Variants in ZFPM2 observed in about 807,000 individuals in gnomAD.
ZFPM2 encodes the protein zinc finger protein, FOG family member 2.
In ZFPM2, 20 loss-of-function variants were observed where a neutral mutation model predicts 98.6. That is an observed-to-expected ratio of 0.20 (90% CI 0.14 to 0.29). The LOEUF is 0.29. ZFPM2 is among the 10% of genes least tolerant of loss of function. ZFPM2 has a pLI of 1.00. For missense variants in ZFPM2, 1,310 were observed against 1,388.6 expected (o/e 0.94, Z 0.90); for synonymous variants, 518 against 502.7 (o/e 1.03, Z -0.41).
chr8:105,635,942 G>A (rs1816839213), intron 5 of ZFPM2, among the ~76,000 whole-genome samples: 1 of 151,928 alleles, frequency 6.6e-6, no homozygotes, highest in Non-Finnish European at 1.5e-5. Flanking sequence ...TGGAATATTT[G>A]CATGTACATA....
intron 5 of ZFPM2, among the ~76,000 whole-genome samples, chr8:105,697,143 A>T (rs1811035392): frequency 6.6e-6 from 1 of 152,226 alleles, no homozygotes; most frequent in South Asian, 2.1e-4. Context: ...AATTTAAAAG[A>T]TGCAGTCTTA....
rs180936360 is a variant in ZFPM2, at chr8:105,633,974, G to A, written c.421-272G>A. Among the ~76,000 whole-genome samples the A allele has an allele frequency of 2.2e-4, 34 of 151,776 alleles. 1 individual carries two copies. The highest frequency in any genetic ancestry group is 8.8e-5 in the Non-Finnish European group (6 of 67,970). On this transcript the variant is annotated intron_variant, in intron 4 of 7. Transcript: ENST00000407775. ...TTCTCTTTATAATTCAGAGCCACAA[G>A]AGATCTGTCTAATCTTGGAGATCTG...
chr8:105,439,655 A>C (rs1404170069), intron 2 of ZFPM2, among the ~76,000 whole-genome samples: 2 of 152,164 alleles, frequency 1.3e-5, no homozygotes, highest in Admixed American at 6.5e-5. Context: ...CAATTTCCTG[A>C]ATAGTAAATT....
chr8:105,409,577 G>A (rs1811535768), intron 1 of ZFPM2, among the ~76,000 whole-genome samples: 2 of 151,884 alleles, frequency 1.3e-5, no homozygotes, highest in Admixed American at 6.6e-5. Flanking sequence ...TACACAAAGT[G>A]TCTCTCCATA....
intron 3 of ZFPM2, among the ~76,000 whole-genome samples, chr8:105,516,618 A>G (rs12679049): frequency 0.17 from 26,559 of 152,172 alleles, 2,379 homozygotes; most frequent in East Asian, 0.24. Context: ...TAAGGTGGCC[A>G]TGTATTCGGA....
At chr8:105,431,386 GCAGT>G (rs1259339024) in intron 2 of ZFPM2, among the ~76,000 whole-genome samples, 3 of 152,244 alleles carry the variant, frequency 2.0e-5, no homozygotes, top group Non-Finnish European at 4.4e-5. Flanking sequence ...AAGCATAATG[GCAGT>G]CAGTGCATTC....
intron 1 of ZFPM2, among the ~76,000 whole-genome samples, chr8:105,327,320 T>G (rs2130658728): frequency 6.6e-6 from 1 of 151,794 alleles, no homozygotes; most frequent in African/African-American, 2.4e-5. Context: ...ATTACAAAAT[T>G]TAGAGTTAGA....
At chr8:105,722,413 C>T (rs1811689416) in intron 5 of ZFPM2, among the ~76,000 whole-genome samples, 1 of 151,754 alleles carries the variant, frequency 6.6e-6, no homozygotes. Flanking sequence ...ATAAGGGTTG[C>T]CAATCCCCAC....
intron 3 of ZFPM2, among the ~76,000 whole-genome samples, chr8:105,543,719 C>T (rs1415908528): frequency 3.3e-5 from 5 of 152,146 alleles, no homozygotes; most frequent in South Asian, 2.1e-4. Context: ...TATCTTTCCT[C>T]CTTCTGTCCC....
intron 2 of ZFPM2, among the ~76,000 whole-genome samples, chr8:105,442,901 T>G (rs1478929870): frequency 6.6e-6 from 1 of 151,172 alleles, no homozygotes; most frequent in Non-Finnish European, 1.5e-5. Context: ...AGTTCAGTGT[T>G]TTTTTTTTGT....
At chr8:105,484,434 T>G (rs1356078152) in intron 3 of ZFPM2, among the ~76,000 whole-genome samples, 2 of 152,166 alleles carry the variant, frequency 1.3e-5, no homozygotes, top group East Asian at 3.8e-4. Context: ...GACTTCAGTT[T>G]TAATAGTGAT....
At chr8:105,338,644 T>A (rs1236053506) in intron 1 of ZFPM2, among the ~76,000 whole-genome samples, 1 of 151,826 alleles carries the variant, frequency 6.6e-6, no homozygotes, top group Admixed American at 6.6e-5. Flanking sequence ...TTTTGTGCCA[T>A]TCACTAGAGC....
chr8:105,584,475 G>A (rs961636771), intron 4 of ZFPM2, among the ~76,000 whole-genome samples: 8 of 151,946 alleles, frequency 5.3e-5, no homozygotes, highest in South Asian at 2.1e-4. Context: ...TCTTTTTCCC[G>A]TGGCGTCAAA....
intron 5 of ZFPM2, among the ~76,000 whole-genome samples, chr8:105,644,601 C>T (rs1006196705): frequency 1.3e-5 from 2 of 151,946 alleles, no homozygotes; most frequent in African/African-American, 4.8e-5. Context: ...CCTCTATATC[C>T]ATCAGTTCAG....
At chr8:105,321,860 T>C (rs1166415816) in intron 1 of ZFPM2, among the ~76,000 whole-genome samples, 1 of 152,172 alleles carries the variant, frequency 6.6e-6, no homozygotes, top group Non-Finnish European at 1.5e-5. Flanking sequence ...AGAAGCCTGA[T>C]AATTCCTTCT....
intron 5 of ZFPM2, among the ~76,000 whole-genome samples, chr8:105,671,339 TA>T (rs1228448514): frequency 6.6e-6 from 1 of 151,776 alleles, no homozygotes; most frequent in African/African-American, 2.4e-5. Flanking sequence ...TATATTTAAA[TA>T]AAAAAATTAA....
intron 4 of ZFPM2, among the ~76,000 whole-genome samples, chr8:105,572,033 CTTTTTTTTTTTT>C (rs869198147): frequency 0.039 from 4,059 of 103,466 alleles, 222 homozygotes; most frequent in African/African-American, 0.14. Context: ...GGGTAAATTT[CTTTTTTTTTTTT>C]TTTTTTTTTT....
intron 2 of ZFPM2, among the ~76,000 whole-genome samples, chr8:105,437,845 C>T (rs1398752409): frequency 1.3e-5 from 2 of 152,170 alleles, no homozygotes; most frequent in South Asian, 4.2e-4. Context: ...GAGTTCGTGA[C>T]CAGCCTGGCT....
intron 4 of ZFPM2, among the ~76,000 whole-genome samples, chr8:105,621,039 A>G (rs1437746749): frequency 1.3e-5 from 2 of 152,152 alleles, no homozygotes; most frequent in African/African-American, 4.8e-5. Flanking sequence ...TATGAAATTT[A>G]AAGTAGTTTT....
Sources: allele counts gnomAD v4.1 joint callset (sites outside exome capture counted in the v4.1 genomes callset), GRCh38; gene constraint gnomAD v4.1.1; transcripts MANE v1.5; gene names NCBI Gene and HGNC (gene_info 2026-07-23, HGNC 2026-07-21).